Variants in UBR3 observed in about 807,000 individuals in gnomAD.
UBR3 encodes the protein ubiquitin protein ligase E3 component n-recognin 3, also known as E3 ubiquitin-protein ligase UBR3.
UBR3 carries 85 observed loss-of-function variants against 243.2 expected under a neutral mutation model. The observed-to-expected ratio is 0.35, with a 90% CI of 0.29 to 0.42. UBR3 has a LOEUF of 0.42. Ranked by LOEUF, UBR3 falls within the 10% of genes least tolerant of loss-of-function variation. UBR3 has a pLI of 1.00. For missense variants in UBR3, 1,686 were observed against 2,300.8 expected (o/e 0.73, Z 5.47); for synonymous variants, 748 against 799.8 (o/e 0.94, Z 1.09).
rs763592222 is a variant in UBR3, at chr2:169,924,003, G to A, written c.1932+9G>A. The A allele has an allele frequency of 3.9e-6, 6 of 1,535,608 alleles. No homozygotes were observed. The African/African-American group carries it at 8.3e-5, about 21-fold the overall frequency. On this transcript the variant is annotated intron_variant, in intron 12 of 38. Transcript: ENST00000272793. Reference sequence around the variant, plus strand: ...CTATGTTTTTGAGTAAGGTAAGACTGTCATTAAACAATTCTGTTCTTTTTT... The same window carrying A: ...CTATGTTTTTGAGTAAGGTAAGACTATCATTAAACAATTCTGTTCTTTTTT...
intron 19 of UBR3, among the ~76,000 whole-genome samples, chr2:169,938,499 T>C (rs2086436927): frequency 6.6e-6 from 1 of 152,112 alleles, no homozygotes. Context: ...GCAGCTTAAG[T>C]GATCTGCCTG....
intron 10 of UBR3, among the ~76,000 whole-genome samples, chr2:169,908,303 T>C (rs2085097907): frequency 6.6e-6 from 1 of 152,208 alleles, no homozygotes; most frequent in South Asian, 2.1e-4. Context: ...CTAACCAAAA[T>C]GAAGAACAAT....
chr2:169,987,097 T>C (rs1275796512), intron 25 of UBR3, among the ~76,000 whole-genome samples: 1 of 152,054 alleles, frequency 6.6e-6, no homozygotes, highest in African/African-American at 2.4e-5. Context: ...TTGGTAATTA[T>C]AATTGTTCTG....
chr2:169,993,947 G>A (rs752821166), intron 25 of UBR3, among the ~76,000 whole-genome samples: 23 of 151,856 alleles, frequency 1.5e-4, no homozygotes, highest in Non-Finnish European at 2.5e-4. Flanking sequence ...CCCCAACCCC[G>A]GACTCAGCTC....
intron 10 of UBR3, among the ~76,000 whole-genome samples, chr2:169,910,490 G>T (rs937012572): frequency 5.3e-5 from 8 of 152,018 alleles, no homozygotes; most frequent in Non-Finnish European, 1.2e-4. Flanking sequence ...ATTATTTCCG[G>T]GCAGTAGTTC....
rs146382158 is a variant in UBR3, at chr2:169,956,104, A to G, written c.3546-2334A>G. 4.0e-3 allele frequency among the ~76,000 whole-genome samples: 607 copies of G among 151,856 alleles called. 5 individuals are homozygous for G. Among genetic ancestry groups the G allele is most frequent in the African/African-American group, 0.014 (564 of 41,424 alleles). Reference sequence around the variant, plus strand: ...GTTCACTCTGATACTTTCAATTCCAATCCATCCCTCTAGGAGTCATTCTTG... The same window carrying G: ...GTTCACTCTGATACTTTCAATTCCAGTCCATCCCTCTAGGAGTCATTCTTG... On this transcript the variant is annotated intron_variant, in intron 23 of 38. Transcript: ENST00000272793.
intron 5 of UBR3, among the ~76,000 whole-genome samples, chr2:169,879,650 C>A (rs2083747596): frequency 6.6e-6 from 1 of 152,124 alleles, no homozygotes; most frequent in Non-Finnish European, 1.5e-5. Context: ...AATAATAGTA[C>A]TTATTTCATG....
chr2:170,019,175 G>C (rs1186624636), intron 30 of UBR3, among the ~76,000 whole-genome samples: 1 of 152,122 alleles, frequency 6.6e-6, no homozygotes, highest in Admixed American at 6.5e-5. Flanking sequence ...GTCAAGAAGA[G>C]GATAAGGCAA....
At chr2:169,969,978 A>G (rs904426934) in intron 24 of UBR3, among the ~76,000 whole-genome samples, 1 of 91,454 alleles carries the variant, frequency 1.1e-5, no homozygotes, top group Non-Finnish European at 2.2e-5. Context: ...TGCTTTGGCT[A>G]TTCAGGATGT....
chr2:169,931,449 T>C (rs1041683215), intron 18 of UBR3, among the ~76,000 whole-genome samples: 1 of 152,044 alleles, frequency 6.6e-6, no homozygotes, highest in Non-Finnish European at 1.5e-5. Context: ...GTCATACTTC[T>C]GATACTTTAA....
At chr2:169,868,052 T>G (rs1285216568) in intron 1 of UBR3, among the ~76,000 whole-genome samples, 1 of 152,214 alleles carries the variant, frequency 6.6e-6, no homozygotes. Flanking sequence ...TGGTGTCATT[T>G]TTGACTGAAA....
rs556338840 is a variant in UBR3 at position 169,964,129 on chromosome 2, TA to T, written c.3634+5611del. ...ATAAAACTTTTAAATTTCTTAAATT[TA>T]AAAAAAATGTTTAAAAAGTATAACA... On this transcript the variant is annotated intron_variant, in intron 24 of 38. Coordinates refer to ENST00000272793, the MANE Select transcript of UBR3 (RefSeq NM_172070.4). 4.6e-3 allele frequency among the ~76,000 whole-genome samples: 700 copies of T among 152,036 alleles called. 1 individual carries two copies. The highest frequency in any genetic ancestry group is 0.015 in the African/African-American group (633 of 41,514).
At chr2:169,832,439 A>C (rs1272700987) in intron 1 of UBR3, among the ~76,000 whole-genome samples, 1 of 151,852 alleles carries the variant, frequency 6.6e-6, no homozygotes, top group Admixed American at 6.6e-5. Flanking sequence ...AGTCCCAGCT[A>C]CTCGGGAGGC....
intron 5 of UBR3, among the ~76,000 whole-genome samples, chr2:169,889,114 A>AC (rs2084227377): frequency 6.6e-6 from 1 of 152,170 alleles, no homozygotes; most frequent in African/African-American, 2.4e-5. Flanking sequence ...TTTTCCCACC[A>AC]GCTCAGATGC....
chr2:169,869,167 C>G (rs1422225312), intron 1 of UBR3, among the ~76,000 whole-genome samples: 3 of 127,218 alleles, frequency 2.4e-5, no homozygotes, highest in African/African-American at 8.6e-5. Flanking sequence ...CACAGTCTCT[C>G]TGCCTTTTTT....
At chr2:169,914,873 T>TG (rs2085398544) in intron 11 of UBR3, among the ~76,000 whole-genome samples, 23 of 123,806 alleles carry the variant, frequency 1.9e-4, no homozygotes, top group African/African-American at 5.3e-4. Context: ...TGTGTGTGTG[T>TG]TTTTTTTCCT....
chr2:169,902,566 G>C (rs1388657280), intron 8 of UBR3, among the ~76,000 whole-genome samples: 1 of 150,834 alleles, frequency 6.6e-6, no homozygotes, highest in African/African-American at 2.4e-5. Context: ...CCTAATTCCT[G>C]CTTTATTTTA....
intron 1 of UBR3, among the ~76,000 whole-genome samples, chr2:169,835,993 G>GTCTCTCTC (rs577838877): frequency 2.9e-4 from 9 of 30,722 alleles, no homozygotes; most frequent in African/African-American, 9.8e-4. Flanking sequence ...TGTGTGCACT[G>GTCTCTCTC]TCTCTCTCTC....
intron 25 of UBR3, among the ~76,000 whole-genome samples, chr2:169,993,601 A>T (rs2089370752): frequency 6.6e-6 from 1 of 152,132 alleles, no homozygotes; most frequent in South Asian, 2.1e-4. Context: ...TATACAGGTG[A>T]TGTTCCTTCC....
Sources: gnomAD v4.1 joint callset for allele counts (sites outside exome capture counted in the v4.1 genomes callset) on GRCh38, gnomAD v4.1.1 for gene constraint, MANE v1.5 for transcripts, NCBI Gene and HGNC (gene_info 2026-07-23, HGNC 2026-07-21) for gene names.